Variants in SEMA3D observed in about 807,000 individuals in gnomAD.
The protein encoded by SEMA3D is semaphorin 3D.
In SEMA3D, 84 loss-of-function variants were observed where a neutral mutation model predicts 100.1. The observed-to-expected ratio is 0.84, with a 90% CI of 0.70 to 1.01. The LOEUF (loss-of-function observed/expected upper bound fraction) is 1.01, where lower values mean the gene tolerates loss of function less well. Among genes scored for constraint, SEMA3D ranks in the 50% least tolerant of loss-of-function variants. The pLI, the probability that SEMA3D is intolerant of heterozygous loss-of-function variation, is 0.00. For missense variants in SEMA3D, 875 were observed against 934.1 expected (o/e 0.94, Z 0.82); for synonymous variants, 312 against 320.7 (o/e 0.97, Z 0.29).
intron 1 of SEMA3D, among the ~76,000 whole-genome samples, chr7:85,161,672 A>G (rs142636786): frequency 6.6e-6 from 1 of 152,206 alleles, no homozygotes; most frequent in East Asian, 1.9e-4. Context: ...GACTTACTTA[A>G]CCATATGTTG....
the SEMA3D span, among the ~76,000 whole-genome samples, chr7:85,200,408 T>C: frequency 6.6e-6 from 1 of 151,106 alleles, no homozygotes; most frequent in Non-Finnish European, 1.5e-5. Context: ...AAGGTGACTC[T>C]TGTTATGTTT....
intron 8 of SEMA3D, among the ~76,000 whole-genome samples, chr7:85,060,792 T>C (rs1173320854): frequency 6.6e-6 from 1 of 152,214 alleles, no homozygotes; most frequent in East Asian, 1.9e-4. Flanking sequence ...ATGTTCTCCT[T>C]TCATGTGGAA....
chr7:85,101,447 G>C (rs1172416405), intron 3 of SEMA3D, among the ~76,000 whole-genome samples: 1 of 151,890 alleles, frequency 6.6e-6, no homozygotes, highest in Non-Finnish European at 1.5e-5. Context: ...CAGGCCACCA[G>C]GGCATTATCC....
Position 84,996,543 on chromosome 7 carries a change from G to A in SEMA3D, c.*2897C>T, listed in dbSNP as rs1024040035. On this transcript the variant is annotated 3_prime_UTR_variant, in exon 19 of 19. Transcript: ENST00000284136. ...TGGATGTAGTGTTTTGAGCTCTTTG[G>A]AAAAAAGGACTCTACATAAATTAAT... The A allele has an allele frequency of 2.0e-5, 3 of 151,766 alleles. No homozygotes were observed. The highest frequency in any genetic ancestry group is 7.3e-5 in the African/African-American group (3 of 41,348). The allele number at this position is 151,766 out of a possible 1,614,324, so 9.4% of individuals were successfully genotyped here.
intron 3 of SEMA3D, among the ~76,000 whole-genome samples, chr7:85,113,210 A>G (rs1033468783): frequency 1.3e-5 from 2 of 152,216 alleles, no homozygotes; most frequent in African/African-American, 4.8e-5. Context: ...GACAATATTT[A>G]TAGTAATAAT....
chr7:85,077,408 T>C (rs1032067087), intron 5 of SEMA3D, among the ~76,000 whole-genome samples: 1 of 152,048 alleles, frequency 6.6e-6, no homozygotes, highest in Non-Finnish European at 1.5e-5. Flanking sequence ...TACATATTTA[T>C]GTTATACAAA....
chr7:85,057,568 A>G (rs966942294), intron 8 of SEMA3D, among the ~76,000 whole-genome samples: 6 of 151,988 alleles, frequency 3.9e-5, no homozygotes, highest in African/African-American at 1.5e-4. Flanking sequence ...TATGAAAATC[A>G]CTCTCCTGCA....
chr7:85,135,811 T>C (rs1583956840), intron 2 of SEMA3D, among the ~76,000 whole-genome samples: 1 of 149,788 alleles, frequency 6.7e-6, no homozygotes, highest in Non-Finnish European at 1.5e-5. Flanking sequence ...AATAAGAAAA[T>C]GATATTTCAA....
chr7:85,015,304 T>A, intron 15 of SEMA3D, 88 bp from the exon 16 acceptor site: 1 of 1,264,250 alleles, frequency 7.9e-7, no homozygotes, highest in Non-Finnish European at 1.1e-6. Flanking sequence ...ATAATACATA[T>A]AAATCTGTTT....
intron 4 of SEMA3D, among the ~76,000 whole-genome samples, chr7:85,092,977 C>T (rs185461277): frequency 6.6e-6 from 1 of 151,984 alleles, no homozygotes; most frequent in Non-Finnish European, 1.5e-5. Flanking sequence ...CTTTCCAAGG[C>T]TATCTACTGA....
intron 9 of SEMA3D, among the ~76,000 whole-genome samples, chr7:85,049,161 G>C: frequency 6.6e-6 from 1 of 150,692 alleles, no homozygotes; most frequent in East Asian, 1.9e-4. Context: ...TAAGGCAAAG[G>C]ATAGAGGAGA....
the SEMA3D span, among the ~76,000 whole-genome samples, chr7:85,202,651 AG>A: frequency 3.9e-5 from 6 of 152,132 alleles, no homozygotes; most frequent in African/African-American, 1.2e-4. Context: ...ACAAGAAAAA[AG>A]CAAACAACCC....
At chr7:85,224,363 C>T in the SEMA3D span, among the ~76,000 whole-genome samples, 1 of 152,164 alleles carries the variant, frequency 6.6e-6, no homozygotes, top group African/African-American at 2.4e-5. Flanking sequence ...ATTCTGCATT[C>T]CAGAGCACAA....
the SEMA3D span, among the ~76,000 whole-genome samples, chr7:85,197,491 T>C: frequency 1.3e-5 from 2 of 151,916 alleles, no homozygotes; most frequent in Non-Finnish European, 2.9e-5. Flanking sequence ...TGCTTTGAGT[T>C]GTCCCGCCTT....
chr7:85,141,533 A>G, intron 2 of SEMA3D: 2 of 984,888 alleles, frequency 2.0e-6, no homozygotes, highest in Non-Finnish European at 2.4e-6. Context: ...GAATGACCAC[A>G]AAGTCTTTCT....
chr7:85,215,096 GTTC>G, the SEMA3D span, among the ~76,000 whole-genome samples: 3 of 146,032 alleles, frequency 2.1e-5, no homozygotes, highest in South Asian at 2.2e-4. Flanking sequence ...TCTACCAAGT[GTTC>G]TTCTTCTTTC....
the SEMA3D span, among the ~76,000 whole-genome samples, chr7:85,234,215 G>A: frequency 6.6e-6 from 1 of 152,156 alleles, no homozygotes; most frequent in Admixed American, 6.5e-5. Context: ...AAGGCCACCT[G>A]CCAAGATGAA....
At chr7:85,141,444 A>G in intron 2 of SEMA3D, 1 of 985,136 alleles carries the variant, frequency 1.0e-6, no homozygotes. Flanking sequence ...TTTAAAAAAA[A>G]GATTGGTGTC....
chr7:85,137,555 C>G (rs1431080786), intron 2 of SEMA3D, among the ~76,000 whole-genome samples: 1 of 152,036 alleles, frequency 6.6e-6, no homozygotes, highest in Non-Finnish European at 1.5e-5. Flanking sequence ...TTTCATGCCA[C>G]TAATGTAGCA....
Sources: allele counts gnomAD v4.1 joint callset (sites outside exome capture counted in the v4.1 genomes callset), GRCh38; gene constraint gnomAD v4.1.1; transcripts MANE v1.5; gene names NCBI Gene and HGNC (gene_info 2026-07-23, HGNC 2026-07-21).